The following NEBL variants were observed in gnomAD, a reference collection of about 807,000 sequenced individuals.
The protein encoded by NEBL is LIM and SH3 protein 2.
In NEBL, 122 loss-of-function variants were observed where a neutral mutation model predicts 140.2. The observed-to-expected ratio is 0.87, with a 90% CI of 0.75 to 1.01. The LOEUF is 1.01. Among genes scored for constraint, NEBL ranks in the 50% least tolerant of loss-of-function variants. The pLI is 0.00. For missense variants in NEBL, 1,365 were observed against 1,231.3 expected (o/e 1.11, Z -1.62); for synonymous variants, 436 against 398.9 (o/e 1.09, Z -1.11).
intron 3 of NEBL, among the ~76,000 whole-genome samples, chr10:21,243,251 A>G (rs985468489): frequency 2.6e-5 from 4 of 151,084 alleles, no homozygotes; most frequent in Non-Finnish European, 5.9e-5. Flanking sequence ...AGGACCAAGC[A>G]TGACCTAGCC....
At chr10:21,138,302 G>C (rs569623287) in intron 2 of NEBL, among the ~76,000 whole-genome samples, 1 of 152,286 alleles carries the variant, frequency 6.6e-6, no homozygotes, top group East Asian at 1.9e-4. Context: ...CTCTGAGGTG[G>C]AGCGGAATGA....
intron 1 of NEBL, among the ~76,000 whole-genome samples, chr10:21,277,057 A>G (rs12356423): frequency 0.046 from 6,917 of 152,002 alleles, 221 homozygotes; most frequent in South Asian, 0.13. Flanking sequence ...TGAGCCCAGG[A>G]GGTCAAGGCT....
At chr10:20,807,456 G>A (rs1396555748) in intron 26 of NEBL, among the ~76,000 whole-genome samples, 1 of 152,074 alleles carries the variant, frequency 6.6e-6, no homozygotes, top group Non-Finnish European at 1.5e-5. Context: ...ACACAAAAAG[G>A]AGACCTTTAA....
chr10:21,186,957 A>C (rs895881809), intron 3 of NEBL, among the ~76,000 whole-genome samples: 3 of 151,734 alleles, frequency 2.0e-5, no homozygotes, highest in Non-Finnish European at 2.9e-5. Flanking sequence ...CTACAGATTC[A>C]GAACCCACAG....
intron 1 of NEBL, among the ~76,000 whole-genome samples, chr10:21,253,593 G>T (rs1292175129): frequency 6.7e-6 from 1 of 148,398 alleles, no homozygotes; most frequent in African/African-American, 2.5e-5. Flanking sequence ...GCCGAGGCTG[G>T]AGTGCAATGG....
chr10:20,866,320 A>T (rs1163166288), intron 7 of NEBL, among the ~76,000 whole-genome samples: 1 of 152,060 alleles, frequency 6.6e-6, no homozygotes, highest in Non-Finnish European at 1.5e-5. Flanking sequence ...AACATTACAA[A>T]CGCATTTAAT....
chr10:20,944,347 C>T (rs958390524), intron 4 of NEBL, among the ~76,000 whole-genome samples: 3 of 152,006 alleles, frequency 2.0e-5, no homozygotes, highest in Admixed American at 2.0e-4. Context: ...GTGCACTGAG[C>T]CAAGATCACG....
chr10:20,938,222 G>A (rs1463015741), intron 4 of NEBL, among the ~76,000 whole-genome samples: 10 of 152,178 alleles, frequency 6.6e-5, no homozygotes. Context: ...ACACGGCTGG[G>A]TACTCCTCTG....
intron 26 of NEBL, among the ~76,000 whole-genome samples, chr10:20,794,375 C>T (rs1001377580): frequency 1.3e-5 from 2 of 152,126 alleles, no homozygotes; most frequent in African/African-American, 4.8e-5. Flanking sequence ...TATTTCTATT[C>T]CTATAATGTA....
At chr10:20,883,101 G>C (rs556468189) in intron 4 of NEBL, among the ~76,000 whole-genome samples, 1 of 152,210 alleles carries the variant, frequency 6.6e-6, no homozygotes. Context: ...TCTTTCTTAA[G>C]GTGCTCACAA....
intron 2 of NEBL, among the ~76,000 whole-genome samples, chr10:21,250,742 C>T (rs1159986749): frequency 1.3e-5 from 2 of 151,856 alleles, no homozygotes; most frequent in Non-Finnish European, 2.9e-5. Context: ...GAAACCCCGT[C>T]TCTACTAAAA....
intron 2 of NEBL, among the ~76,000 whole-genome samples, chr10:21,038,546 C>T (rs2131824315): frequency 1.3e-5 from 2 of 152,286 alleles, no homozygotes; most frequent in African/African-American, 4.8e-5. Context: ...TGAACTCATT[C>T]TTTTTTATGG....
chr10:21,141,171 T>C (rs890113825), intron 2 of NEBL, among the ~76,000 whole-genome samples: 1 of 152,072 alleles, frequency 6.6e-6, no homozygotes, highest in African/African-American at 2.4e-5. Flanking sequence ...ATAAACTGCA[T>C]GATCTTGGAT....
chr10:20,928,899 C>A (rs1309984990), intron 4 of NEBL, among the ~76,000 whole-genome samples: 1 of 152,192 alleles, frequency 6.6e-6, no homozygotes, highest in African/African-American at 2.4e-5. Flanking sequence ...ATCTTCAGTG[C>A]CATTTCTCTT....
chr10:21,103,510 G>A (rs60333655), intron 2 of NEBL, among the ~76,000 whole-genome samples: 133 of 152,250 alleles, frequency 8.7e-4, no homozygotes, highest in African/African-American at 2.6e-3. Context: ...ACCGCACCAG[G>A]CCTTTTTCAA....
Position 20,935,440 on chromosome 10 carries a change from C to T in NEBL, c.357+26232G>A, listed in dbSNP as rs1166750903. ...TCACTAAGCACCACATGGAAGAATG[C>T]AGATAACAGAACTGAGAACACCCCC... On this transcript the variant is annotated intron_variant, in intron 4 of 6. Transcript: ENST00000417816. Among the ~76,000 whole-genome samples, 6 of 152,282 alleles carry T rather than the reference C, an allele frequency of 3.9e-5. No homozygotes were observed. In the East Asian group the frequency reaches 9.6e-4, roughly 24 times the overall value.
At position 21,124,346 on chromosome 10, in the gene NEBL, A is replaced by G. The variant is rs541071314; in HGVS notation, c.164+48037T>C. On this transcript the variant is annotated intron_variant, in intron 2 of 6. Coordinates refer to the NEBL transcript ENST00000417816. ...ATTATGAGTTATTAATGCAGGAACG[A>G]AAAGAAATCCAATACCAAAGACATT... 5.3e-5 allele frequency among the ~76,000 whole-genome samples: 8 copies of G among 152,378 alleles called. 1 individual carries two copies. The South Asian group carries it at 8.3e-4, about 16-fold the overall frequency.
chr10:20,840,468 C>T (rs1403028405), intron 13 of NEBL, among the ~76,000 whole-genome samples: 1 of 151,990 alleles, frequency 6.6e-6, no homozygotes, highest in Non-Finnish European at 1.5e-5. Flanking sequence ...CTGCCTTTTA[C>T]CTGCTTAAAA....
chr10:20,781,634 C>A lies in NEBL; in HGVS notation c.*4113G>T, dbSNP rs900897412. The A allele has an allele frequency of 1.3e-5, 2 of 152,354 alleles. No homozygotes were observed. Among genetic ancestry groups the A allele is most frequent in the Non-Finnish European group, 2.9e-5 (2 of 68,030 alleles). The allele number at this position is 152,354 out of a possible 1,614,324, so 9.4% of individuals were successfully genotyped here. On this transcript the variant is annotated 3_prime_UTR_variant, in exon 28 of 28. Transcript: ENST00000377122. ...CAGGAATATACTGAAGTCATACAGA[C>A]AACTGAGAAAATTTGCTCAAAGATT...
Sources: gnomAD v4.1 joint callset for allele counts (sites outside exome capture counted in the v4.1 genomes callset) on GRCh38, gnomAD v4.1.1 for gene constraint, MANE v1.5 for transcripts, NCBI Gene and HGNC (gene_info 2026-07-23, HGNC 2026-07-21) for gene names.